Variants in CNNM1 observed in about 807,000 individuals in gnomAD.
The protein encoded by CNNM1 is cyclin and CBS domain divalent metal cation transport mediator 1.
CNNM1 carries 44 observed loss-of-function variants against 78.8 expected under a neutral mutation model. The observed-to-expected ratio is 0.56, with a 90% CI of 0.44 to 0.72. The LOEUF (loss-of-function observed/expected upper bound fraction) is 0.72, where lower values mean the gene tolerates loss of function less well. Among genes scored for constraint, CNNM1 ranks in the 30% least tolerant of loss-of-function variants. The pLI is 0.00. For synonymous variants in CNNM1, 584 were observed against 581.5 expected, an observed-to-expected ratio of 1.00 and a Z score of -0.06; for missense variants, 1,101 against 1,292.2, an observed-to-expected ratio of 0.85 and a Z score of 2.27.
At chr10:99,371,030 C>T (rs1214758830) in intron 6 of CNNM1, among the ~76,000 whole-genome samples, 1 of 152,170 alleles carries the variant, frequency 6.6e-6, no homozygotes, top group African/African-American at 2.4e-5. Flanking sequence ...GGACTGGAAT[C>T]TAAGTCTTAG....
chr10:99,335,337 G>C (rs1033212695), intron 1 of CNNM1, among the ~76,000 whole-genome samples: 3 of 152,208 alleles, frequency 2.0e-5, no homozygotes, highest in African/African-American at 7.2e-5. Context: ...TTTCACACTA[G>C]AGTGTGAGGT....
intron 1 of CNNM1, among the ~76,000 whole-genome samples, chr10:99,341,146 A>C (rs950228325): frequency 6.6e-6 from 1 of 152,188 alleles, no homozygotes; most frequent in African/African-American, 2.4e-5. Flanking sequence ...GTGGTATTTG[A>C]GCTGAATCCT....
Position 99,335,972 on chromosome 10 carries a change from A to T in CNNM1, c.1573+5012A>T, listed in dbSNP as rs149907543. Among the ~76,000 whole-genome samples, 1,106 of 152,226 alleles carry T rather than the reference A, an allele frequency of 7.3e-3. 14 individuals carry two copies. The highest frequency in any genetic ancestry group is 0.026 in the African/African-American group (1,060 of 41,530). On this transcript the variant is annotated intron_variant, in intron 1 of 10. Transcript: ENST00000356713. ...ACCCTTATGCCATCATTTAATCTTA[A>T]CTACTATACTTCCTTAGAGGCCTCT...
chr10:99,357,452 A>G, intron 1 of CNNM1, 60 bp from the exon 2 acceptor site: 1 of 1,538,732 alleles, frequency 6.5e-7, no homozygotes, highest in Non-Finnish European at 8.8e-7. Context: ...CATTTTTCTC[A>G]CAAAAAAAGA....
chr10:99,357,630 G>A lies in CNNM1; in HGVS notation c.1692G>A (p.Glu564=), dbSNP rs372776463. Reference sequence around the variant, plus strand: ...TCATAGAGGAGATTATCAAGTCGGAGATCCTGGATGAAACTGATCTCTACA... The same window carrying A: ...TCATAGAGGAGATTATCAAGTCGGAAATCCTGGATGAAACTGATCTCTACA... The part of the protein sequence containing the change: ...EDIIEEIIKS[E]ILDETDLYTD... Residue 564 remains glutamate, a synonymous_variant, in exon 2 of 11, where the codon GAG becomes GAA. Coordinates refer to ENST00000356713, the MANE Select transcript of CNNM1 (RefSeq NM_020348.3). 1.2e-6 allele frequency: 2 copies of A among 1,612,342 alleles called. No homozygotes were observed. Among genetic ancestry groups the A allele is most frequent in the African/African-American group, 1.3e-5 (1 of 74,908 alleles).
rs779430672 is a variant in CNNM1, at chr10:99,346,054, CA to C, written c.1574-11450del. Among the ~76,000 whole-genome samples the C allele has an allele frequency of 4.0e-5, 6 of 150,732 alleles. No individual in the cohort carries two copies. In the South Asian group the frequency reaches 6.3e-4, roughly 16 times the overall value. The stretch of plus-strand genomic sequence containing the variant: ...TTTGACATAGTAGTGGGAAAGAAGG[CA>C]AAAAAAATACCAAAAAATCATAGGA... On this transcript the variant is annotated intron_variant, in intron 1 of 10. Coordinates refer to ENST00000356713, the MANE Select transcript of CNNM1 (RefSeq NM_020348.3).
Position 99,329,502 on chromosome 10 carries a change from G to T in CNNM1, c.115G>T (p.Ala39Ser). 6.6e-7 allele frequency: 1 copy of T among 1,508,212 alleles called. No homozygotes were observed. 93.4% of individuals were successfully genotyped at this position (1,508,212 alleles called of 1,614,324 possible). Residue 39 changes from alanine (A) to serine (S), a missense_variant, in exon 1 of 11, where the codon GCC becomes TCC. Ala to Ser is a moderately conservative substitution (Grantham distance 99). Coordinates refer to ENST00000356713, the MANE Select transcript of CNNM1 (RefSeq NM_020348.3). ...FSLSPRPPAA[A>S]AWLLGLRPED... Reference sequence around the variant, plus strand: ...CCTGTCTCCTCGGCCCCCGGCCGCCGCCGCCTGGCTGCTGGGCCTGCGGCC... The same window carrying T: ...CCTGTCTCCTCGGCCCCCGGCCGCCTCCGCCTGGCTGCTGGGCCTGCGGCC...
At chr10:99,356,570 A>C (rs1449471887) in intron 1 of CNNM1, among the ~76,000 whole-genome samples, 1,489 of 100,900 alleles carry the variant, frequency 0.015, 16 homozygotes, top group African/African-American at 0.037. Flanking sequence ...GACAGAAAGA[A>C]AGAAAGAAAG....
chr10:99,376,092 C>T (rs73328345), intron 6 of CNNM1, among the ~76,000 whole-genome samples: 7,871 of 152,264 alleles, frequency 0.052, 346 homozygotes, highest in African/African-American at 0.12. Flanking sequence ...CAGGCCTATG[C>T]AAGACGGGGC....
rs553696150 is a variant in CNNM1, at chr10:99,392,349, A to G, written c.*833A>G. 6.5e-6 allele frequency: 1 copy of G among 152,790 alleles called. No individual in the cohort carries two copies. The highest frequency in any genetic ancestry group is 2.4e-5 in the African/African-American group (1 of 41,574). The allele number at this position is 152,790 out of a possible 1,614,324, so 9.5% of individuals were successfully genotyped here. A position where few individuals can be genotyped will look rare whatever the true frequency, so the allele number is the denominator to read the frequency against. ...GAACTTCAGGTCTTAAGTGCAAATCAAAGCAAAAAACAAACAAAACTTACA... is the reference window on the plus strand; with the variant it reads ...GAACTTCAGGTCTTAAGTGCAAATCGAAGCAAAAAACAAACAAAACTTACA... On this transcript the variant is annotated 3_prime_UTR_variant, in exon 11 of 11. Coordinates refer to ENST00000356713, the MANE Select transcript of CNNM1 (RefSeq NM_020348.3).
At chr10:99,377,004 T>TACACC in intron 6 of CNNM1, 51 bp from the exon 7 acceptor site, 1 of 1,397,912 alleles carries the variant, frequency 7.2e-7, no homozygotes, top group Non-Finnish European at 9.8e-7. Context: ...TCCCCCTTCT[T>TACACC]CCTCCCCACC....
At chr10:99,381,721 C>T (rs528786405) in intron 7 of CNNM1, among the ~76,000 whole-genome samples, 14 of 147,930 alleles carry the variant, frequency 9.5e-5, no homozygotes, top group Admixed American at 6.7e-4. Context: ...CCAGCCTGGG[C>T]GACAAGAGCG....
intron 9 of CNNM1, among the ~76,000 whole-genome samples, chr10:99,389,440 TTTAAAG>T (rs1564963347): frequency 7.0e-6 from 1 of 143,120 alleles, no homozygotes; most frequent in African/African-American, 2.6e-5. Context: ...AAAAAAAAAA[TTTAAAG>T]TCAACAAGAC....
At chr10:99,340,335 G>A (rs17111511) in intron 1 of CNNM1, among the ~76,000 whole-genome samples, 4,361 of 152,176 alleles carry the variant, frequency 0.029, 199 homozygotes, top group African/African-American at 0.099. Context: ...TATCTTTCCC[G>A]GGCCATACCA....
Position 99,330,230 on chromosome 10 carries a change from T to C in CNNM1, c.843T>C (p.His281=). The part of the protein sequence containing the change: ...RVQAVRGRGT[H]LLCTLLLGQA... Reference sequence around the variant, plus strand: ...AGGCCGTTCGCGGCAGGGGGACCCATCTGCTCTGCACCCTACTCCTGGGCC... The same window carrying C: ...AGGCCGTTCGCGGCAGGGGGACCCACCTGCTCTGCACCCTACTCCTGGGCC... Residue 281 remains histidine, a synonymous_variant, in exon 1 of 11, where the codon CAT becomes CAC. Coordinates refer to ENST00000356713, the MANE Select transcript of CNNM1 (RefSeq NM_020348.3). 6.5e-7 allele frequency: 1 copy of C among 1,531,158 alleles called. No homozygotes were observed. The allele number at this position is 1,531,158 out of a possible 1,614,324, so 94.8% of individuals were successfully genotyped here.
chr10:99,344,908 G>C (rs181094065), intron 1 of CNNM1, among the ~76,000 whole-genome samples: 38 of 152,276 alleles, frequency 2.5e-4, no homozygotes, highest in Admixed American at 1.4e-3. Context: ...GGGAGGTGCC[G>C]GGCATTAGCT....
Position 99,341,300 on chromosome 10 carries a change from C to T in CNNM1, c.1573+10340C>T, listed in dbSNP as rs146196254. On this transcript the variant is annotated intron_variant, in intron 1 of 10. Coordinates refer to ENST00000356713, the MANE Select transcript of CNNM1 (RefSeq NM_020348.3). ...TGACATCCAGGAGGGAAAGTGCCACCTCTGCCAGCCACCCTCCTGTTTTCC... is the reference window on the plus strand; with the variant it reads ...TGACATCCAGGAGGGAAAGTGCCACTTCTGCCAGCCACCCTCCTGTTTTCC... Among the ~76,000 whole-genome samples, 353 of 152,176 alleles carry T rather than the reference C, an allele frequency of 2.3e-3. 1 individual carries two copies. Among genetic ancestry groups the T allele is most frequent in the Admixed American group, 4.7e-3 (72 of 15,296 alleles).
chr10:99,359,340 C>G (rs2031345234), intron 2 of CNNM1, among the ~76,000 whole-genome samples: 1 of 152,164 alleles, frequency 6.6e-6, no homozygotes, highest in African/African-American at 2.4e-5. Context: ...TTTTGCTACT[C>G]TTTTGCTGAG....
Position 99,340,502 on chromosome 10 carries a change from T to C in CNNM1, c.1573+9542T>C, listed in dbSNP as rs1241122708. Among the ~76,000 whole-genome samples the C allele has an allele frequency of 3.3e-5, 5 of 152,194 alleles. No homozygotes were observed. In the East Asian group the frequency reaches 5.8e-4, roughly 18 times the overall value. On this transcript the variant is annotated intron_variant, in intron 1 of 10. Transcript: ENST00000356713. ...TTTTTTAGCTACCAAATACATTTGATTGTGTTTCTCGCTCCCTTAAAGCAT... is the reference window on the plus strand; with the variant it reads ...TTTTTTAGCTACCAAATACATTTGACTGTGTTTCTCGCTCCCTTAAAGCAT...
Sources: allele counts gnomAD v4.1 joint callset (sites outside exome capture counted in the v4.1 genomes callset), GRCh38; gene constraint gnomAD v4.1.1; transcripts MANE v1.5; gene names NCBI Gene and HGNC (gene_info 2026-07-23, HGNC 2026-07-21).